TESK2: variants seen among roughly 807,000 people sequenced by gnomAD.
TESK2 encodes dual specificity testis-specific protein kinase 2.
A neutral mutation model predicts 57.1 loss-of-function variants in TESK2; 39 were observed. That is an observed-to-expected ratio of 0.68 (90% CI 0.53 to 0.89). The LOEUF is 0.89. Ranked by LOEUF, TESK2 falls within the 40% of genes least tolerant of loss-of-function variation. The probability of loss-of-function intolerance (pLI) is 0.00; values close to 1 mark genes in which losing one functional copy is unlikely to be tolerated. For missense variants in TESK2, 646 were observed against 732.1 expected (o/e 0.88, Z 1.36); for synonymous variants, 249 against 267.9 (o/e 0.93, Z 0.69).
At chr1:45,449,444 C>G (rs769219657) in intron 2 of TESK2, among the ~76,000 whole-genome samples, 2 of 151,834 alleles carry the variant, frequency 1.3e-5, no homozygotes, top group African/African-American at 4.9e-5. Context: ...TTGAAGCAAC[C>G]AAGATGTCCT....
At chr1:45,355,267 A>G (rs781416018) in intron 5 of TESK2, 36 bp downstream of exon 5, 5 of 1,603,518 alleles carry the variant, frequency 3.1e-6, no homozygotes, top group Non-Finnish European at 4.3e-6. Context: ...GAAGGGTGGT[A>G]TCTCTCAATG....
chr1:45,357,239 A>AAATGAATG (rs58647663), intron 4 of TESK2, among the ~76,000 whole-genome samples: 7 of 126,792 alleles, frequency 5.5e-5, no homozygotes, highest in African/African-American at 1.7e-4. Flanking sequence ...ATAAATAAAT[A>AAATGAATG]AATGTATGTA....
intron 3 of TESK2, among the ~76,000 whole-genome samples, chr1:45,399,585 G>C (rs539525855): frequency 1.3e-5 from 2 of 152,282 alleles, no homozygotes; most frequent in South Asian, 4.1e-4. Context: ...AAAGTGCTGG[G>C]ATTACAGGCG....
chr1:45,385,692 G>A (rs1311595274), intron 4 of TESK2, among the ~76,000 whole-genome samples: 1 of 139,838 alleles, frequency 7.2e-6, no homozygotes, highest in Non-Finnish European at 1.5e-5. Flanking sequence ...AGAACTTAAA[G>A]TGTATGTGTG....
At chr1:45,355,949 C>T (rs1647403027) in intron 4 of TESK2, among the ~76,000 whole-genome samples, 1 of 152,066 alleles carries the variant, frequency 6.6e-6, no homozygotes, top group Non-Finnish European at 1.5e-5. Flanking sequence ...ACATGTTTTG[C>T]TAAGATATGT....
chr1:45,403,334 A>G lies in TESK2; in HGVS notation c.345-17374T>C, dbSNP rs202143701. On this transcript the variant is annotated intron_variant, in intron 3 of 10. Transcript: ENST00000372086. ...AGTCCCAGAAGAACTATGAATCTAA[A>G]CCCGTAAAAAGGCAGTAATATCCTC... 4.6e-5 allele frequency among the ~76,000 whole-genome samples: 7 copies of G among 152,158 alleles called. No individual in the cohort carries two copies. In the East Asian group the frequency reaches 1.2e-3, roughly 25 times the overall value.
chr1:45,366,996 T>C (rs559942334), intron 4 of TESK2, among the ~76,000 whole-genome samples: 1 of 152,096 alleles, frequency 6.6e-6, no homozygotes, highest in African/African-American at 2.4e-5. Flanking sequence ...TAGCTGGGCA[T>C]AGTGGTGCAT....
At chr1:45,432,605 G>A (rs1042296866) in intron 2 of TESK2, among the ~76,000 whole-genome samples, 4 of 150,484 alleles carry the variant, frequency 2.7e-5, no homozygotes, top group Non-Finnish European at 4.4e-5. Context: ...GCAGGAGAAT[G>A]GCGTGAACTG....
intron 1 of TESK2, among the ~76,000 whole-genome samples, chr1:45,479,585 C>T (rs1252408453): frequency 3.3e-5 from 5 of 151,954 alleles, no homozygotes; most frequent in East Asian, 1.9e-4. Context: ...TGCGCCACCA[C>T]GCCCAGCCCC....
intron 3 of TESK2, among the ~76,000 whole-genome samples, chr1:45,416,218 G>T (rs76726152): frequency 0.018 from 2,725 of 150,144 alleles, 33 homozygotes; most frequent in Non-Finnish European, 0.026. Context: ...AAGTCGCTAG[G>T]GCTACAGGCG....
chr1:45,346,874 C>T, intron 8 of TESK2, 95 bp from the exon 9 acceptor site: 1 of 1,538,148 alleles, frequency 6.5e-7, no homozygotes, highest in Non-Finnish European at 9.0e-7. Flanking sequence ...CTGCCCCTGA[C>T]AACCAGCAAC....
intron 4 of TESK2, among the ~76,000 whole-genome samples, chr1:45,370,095 G>C (rs898185770): frequency 6.6e-6 from 1 of 152,146 alleles, no homozygotes; most frequent in Non-Finnish European, 1.5e-5. Context: ...GGAAAACACA[G>C]ACCATGTTCA....
At chr1:45,457,445 GT>G in intron 2 of TESK2, 118 bp downstream of exon 2, 2 of 872,864 alleles carry the variant, frequency 2.3e-6, no homozygotes, top group African/African-American at 3.4e-5. Context: ...TTAGAACAGT[GT>G]TCAAGATCCA....
intron 1 of TESK2, among the ~76,000 whole-genome samples, chr1:45,480,415 G>A (rs751462930): frequency 4.1e-5 from 6 of 145,014 alleles, no homozygotes; most frequent in Admixed American, 1.4e-4. Flanking sequence ...CCAAGATTGC[G>A]CCACTGCACT....
chr1:45,385,643 G>T (rs1278129329), intron 4 of TESK2, among the ~76,000 whole-genome samples: 1 of 149,798 alleles, frequency 6.7e-6, no homozygotes, highest in African/African-American at 2.5e-5. Context: ...GGGAATAGAA[G>T]GACATTAAGA....
rs577567076 is a variant in TESK2, at chr1:45,456,591, A to G, written c.222+973T>C. 5.8e-4 allele frequency among the ~76,000 whole-genome samples: 89 copies of G among 152,244 alleles called. No individual in the cohort carries two copies. In the South Asian group the frequency reaches 0.018, roughly 30 times the overall value. On this transcript the variant is annotated intron_variant, in intron 2 of 10. Transcript: ENST00000372086. ...AATATTTGGGTTTTTTTTTTCCTTAAAAGAATTTTTTTAACATGTTAATGG... is the reference window on the plus strand; with the variant it reads ...AATATTTGGGTTTTTTTTTTCCTTAGAAGAATTTTTTTAACATGTTAATGG...
intron 5 of TESK2, among the ~76,000 whole-genome samples, chr1:45,350,550 G>A: frequency 6.6e-6 from 1 of 152,224 alleles, no homozygotes; most frequent in Non-Finnish European, 1.5e-5. Context: ...GAACAGTTAA[G>A]AGGTTCTTTT....
intron 1 of TESK2, among the ~76,000 whole-genome samples, chr1:45,483,280 C>CA (rs753864816): frequency 0.014 from 1,714 of 118,266 alleles, 9 homozygotes; most frequent in African/African-American, 0.017. Context: ...GACTTCGTCT[C>CA]AAAAAAAAAA....
intron 2 of TESK2, among the ~76,000 whole-genome samples, chr1:45,437,884 G>A (rs948385433): frequency 6.6e-6 from 1 of 152,202 alleles, no homozygotes; most frequent in Non-Finnish European, 1.5e-5. Context: ...CTTGGTTACA[G>A]ACACACATAA....
Sources: allele counts gnomAD v4.1 joint callset (sites outside exome capture counted in the v4.1 genomes callset), GRCh38; gene constraint gnomAD v4.1.1; transcripts MANE v1.5; gene names NCBI Gene and HGNC (gene_info 2026-07-23, HGNC 2026-07-21).